CFAP54: variants seen among roughly 807,000 people sequenced by gnomAD.
CFAP54 encodes the protein cilia- and flagella-associated protein 54.
Under a neutral mutation model 370.4 loss-of-function variants are expected in CFAP54, and 290 were observed. The ratio of observed to expected loss-of-function variants is 0.78; its 90% CI spans 0.71 to 0.86. The LOEUF (loss-of-function observed/expected upper bound fraction) is 0.86, where lower values mean the gene tolerates loss of function less well. CFAP54 is among the 40% of genes least tolerant of loss of function. CFAP54 has a pLI of 0.00. For synonymous variants in CFAP54, 1,206 were observed against 1,236.5 expected, an observed-to-expected ratio of 0.98 and a Z score of 0.52; for missense variants, 3,399 against 3,528.7, an observed-to-expected ratio of 0.96 and a Z score of 0.93.
At chr12:96,525,255 TCA>T (rs1955366423) in intron 8 of CFAP54, among the ~76,000 whole-genome samples, 1 of 151,960 alleles carries the variant, frequency 6.6e-6, no homozygotes, top group Non-Finnish European at 1.5e-5. Flanking sequence ...GAATTATTTT[TCA>T]CAGTCTTTGA....
chr12:96,575,696 G>A (rs1197378097), intron 19 of CFAP54, among the ~76,000 whole-genome samples: 1 of 151,796 alleles, frequency 6.6e-6, no homozygotes, highest in East Asian at 1.9e-4. Context: ...TTCTTCTAAG[G>A]GTTTTATAAT....
At chr12:96,536,970 A>G (rs1565888633) in intron 12 of CFAP54, among the ~76,000 whole-genome samples, 1 of 130,414 alleles carries the variant, frequency 7.7e-6, no homozygotes, top group African/African-American at 3.0e-5. Flanking sequence ...TCTTAGTTCA[A>G]TTCAATTCAA....
chr12:96,609,818 A>G (rs1336508564), intron 26 of CFAP54, among the ~76,000 whole-genome samples: 2 of 152,216 alleles, frequency 1.3e-5, no homozygotes, highest in African/African-American at 2.4e-5. Flanking sequence ...CACAATATTT[A>G]AAACTTAACA....
chr12:96,834,190 C>T (rs950379354), intron 66 of CFAP54, among the ~76,000 whole-genome samples: 1 of 152,070 alleles, frequency 6.6e-6, no homozygotes, highest in Non-Finnish European at 1.5e-5. Flanking sequence ...TAAGAAGATT[C>T]GAGAGGGTAA....
At chr12:96,599,446 G>A (rs568487778) in intron 26 of CFAP54, among the ~76,000 whole-genome samples, 49 of 152,192 alleles carry the variant, frequency 3.2e-4, no homozygotes, top group African/African-American at 1.2e-3. Flanking sequence ...GTTTGCTATC[G>A]TGAATAGTGC....
chr12:96,501,624 A>G (rs1169070225), intron 2 of CFAP54, among the ~76,000 whole-genome samples: 2 of 152,190 alleles, frequency 1.3e-5, no homozygotes, highest in African/African-American at 2.4e-5. Context: ...GGTCCAGATT[A>G]TTCTAAGTTA....
At chr12:96,700,699 A>G (rs922596585) in intron 46 of CFAP54, among the ~76,000 whole-genome samples, 2 of 152,186 alleles carry the variant, frequency 1.3e-5, no homozygotes, top group African/African-American at 2.4e-5. Context: ...ATTAAATCAG[A>G]GGGAGCTATT....
chr12:96,594,563 A>C, intron 25 of CFAP54, 117 bp downstream of exon 25: 1 of 687,606 alleles, frequency 1.5e-6, no homozygotes, highest in Admixed American at 3.2e-5. Flanking sequence ...AGGAATCAGT[A>C]TTATGAAATT....
chr12:96,789,867 C>A (rs992108153), intron 62 of CFAP54, among the ~76,000 whole-genome samples: 1 of 152,134 alleles, frequency 6.6e-6, no homozygotes, highest in Non-Finnish European at 1.5e-5. Context: ...GGGTAGACAG[C>A]TAATGAGCAT....
intron 66 of CFAP54, among the ~76,000 whole-genome samples, chr12:96,844,129 T>C (rs978660834): frequency 6.6e-6 from 1 of 152,188 alleles, no homozygotes; most frequent in Admixed American, 6.5e-5. Flanking sequence ...GGTTGAACAA[T>C]GGCGCTCCAC....
chr12:96,712,557 A>G (rs1430171550), intron 48 of CFAP54, among the ~76,000 whole-genome samples: 1 of 152,092 alleles, frequency 6.6e-6, no homozygotes, highest in Non-Finnish European at 1.5e-5. Context: ...TCTGTTTTGG[A>G]ATATACTATA....
At chr12:96,743,343 A>T (rs914360820) in intron 52 of CFAP54, 59 bp from the exon 53 acceptor site, 10 of 1,558,350 alleles carry the variant, frequency 6.4e-6, no homozygotes, top group Non-Finnish European at 8.8e-6. Context: ...GGGCTATTAC[A>T]CATGTATAAC....
chr12:96,749,357 C>G (rs893788973), intron 55 of CFAP54, among the ~76,000 whole-genome samples: 1 of 152,260 alleles, frequency 6.6e-6, no homozygotes, highest in Non-Finnish European at 1.5e-5. Flanking sequence ...ACGACCTAAT[C>G]ACCTCCCAAA....
At chr12:96,570,330 T>A (rs1200991346) in intron 19 of CFAP54, among the ~76,000 whole-genome samples, 6 of 146,064 alleles carry the variant, frequency 4.1e-5, no homozygotes, top group South Asian at 2.2e-4. Context: ...TTTTTTTTTT[T>A]AAATCAATGA....
chr12:96,635,512 A>G (rs1018212935), intron 32 of CFAP54, among the ~76,000 whole-genome samples: 15 of 152,216 alleles, frequency 9.9e-5, no homozygotes. Flanking sequence ...TATGCACTTC[A>G]TGGAATTTCT....
chr12:96,664,781 A>ATC (rs1565934511), intron 39 of CFAP54, among the ~76,000 whole-genome samples: 2,989 of 24,932 alleles, frequency 0.12, 177 homozygotes, highest in South Asian at 0.34. Context: ...CTATATCTAT[A>ATC]TATATATATA....
At chr12:96,560,664 G>A (rs558653403) in intron 17 of CFAP54, among the ~76,000 whole-genome samples, 1 of 152,226 alleles carries the variant, frequency 6.6e-6, no homozygotes, top group South Asian at 2.1e-4. Context: ...GCATGCATCG[G>A]CTATTTGTTT....
At chr12:96,780,631 T>C (rs1012071893) in intron 60 of CFAP54, among the ~76,000 whole-genome samples, 32 of 152,128 alleles carry the variant, frequency 2.1e-4, no homozygotes, top group African/African-American at 7.7e-4. Context: ...GTTTGCAGGA[T>C]TGAACAGCGA....
intron 55 of CFAP54, among the ~76,000 whole-genome samples, chr12:96,748,519 CTTTT>C (rs1246603472): frequency 6.6e-6 from 1 of 152,028 alleles, no homozygotes; most frequent in Non-Finnish European, 1.5e-5. Flanking sequence ...TTTTCTCTTT[CTTTT>C]TAAGTGTTTT....
Sources: allele counts gnomAD v4.1 joint callset (sites outside exome capture counted in the v4.1 genomes callset), GRCh38; gene constraint gnomAD v4.1.1; transcripts MANE v1.5; gene names NCBI Gene and HGNC (gene_info 2026-07-23, HGNC 2026-07-21).